Variants in DNASE1L2 observed in about 807,000 individuals in gnomAD.
DNASE1L2 encodes deoxyribonuclease-1-like 2.
In DNASE1L2, 35 loss-of-function variants were observed where a neutral mutation model predicts 31.8. That is an observed-to-expected ratio of 1.10 (90% CI 0.84 to 1.46). The LOEUF is 1.46. DNASE1L2 is among the 40% of genes most tolerant of loss of function. The pLI is 0.00. For missense variants in DNASE1L2, 504 were observed against 418.8 expected (o/e 1.20, Z -1.77); for synonymous variants, 211 against 186.5 (o/e 1.13, Z -1.07).
At position 2,238,410 on chromosome 16, in the gene DNASE1L2, C is replaced by A; in HGVS notation, c.892C>A (p.His298Asn). The A allele has an allele frequency of 6.2e-7, 1 of 1,613,498 alleles. No homozygotes were observed. The highest frequency in any genetic ancestry group is 8.5e-7 in the Non-Finnish European group (1 of 1,180,020). ...TCCAGTGGAGGTGACCCTCAAGTTC[C>A]ACCGATGACTCGAGGCCTGGCTGGG... ...HFPVEVTLKF[H>N]R is the part of the protein sequence containing the mutation. Residue 298 changes from histidine to asparagine, a missense_variant, in exon 7 of 7, where the codon CAC becomes AAC. Coordinates refer to ENST00000320700, the MANE Select transcript of DNASE1L2 (RefSeq NM_001374.3).
At chr16:2,236,995 G>A (rs2093513023) in intron 2 of DNASE1L2, 35 bp downstream of exon 2, 1 of 1,546,278 alleles carries the variant, frequency 6.5e-7, no homozygotes, top group South Asian at 1.2e-5. Flanking sequence ...GGCGTTTAGG[G>A]GTGCTGACCG....
Position 2,238,583 on chromosome 16 carries a change from G to A in DNASE1L2, c.*165G>A, listed in dbSNP as rs923074729. The A allele has an allele frequency of 2.8e-5, 22 of 799,360 alleles. No homozygotes were observed. The highest frequency in any genetic ancestry group is 3.7e-5 in the Non-Finnish European group (18 of 492,082). The allele number at this position is 799,360 out of a possible 1,614,324, so 49.5% of individuals were successfully genotyped here. ...ACGTGATGTGCTGCTCTGTACCTCC[G>A]TTCCCCATCTGTGGGACGGGCTGCA... is the stretch of plus-strand genomic sequence containing the variant. On this transcript the variant is annotated 3_prime_UTR_variant, in exon 7 of 7. Coordinates refer to ENST00000320700, the MANE Select transcript of DNASE1L2 (RefSeq NM_001374.3).
At chr16:2,238,224 T>C in intron 6 of DNASE1L2, 138 bp from the exon 7 acceptor site, 2 of 1,420,070 alleles carry the variant, frequency 1.4e-6, no homozygotes, top group East Asian at 2.3e-5. Context: ...AAAGGGCCAG[T>C]GGTGACACCC....
rs184168331 is a variant in DNASE1L2 at position 2,237,534 on chromosome 16, C to T, written c.476C>T (p.Ala159Val). 990 of 1,603,226 alleles carry T rather than the reference C, an allele frequency of 6.2e-4. 2 individuals are homozygous for T. The African/African-American group carries it at 9.8e-3, about 16-fold the overall frequency. Residue 159 changes from alanine to valine, a missense_variant, in exon 5 of 7, where the codon GCA becomes GTA. Physicochemically the swap from Ala to Val is moderately conservative, Grantham distance 64. Coordinates refer to ENST00000320700, the MANE Select transcript of DNASE1L2 (RefSeq NM_001374.3). ...GCTCTGACGCCCCCACCCCTTCCCGCAGCAGCACAGAACCTGGTGCTGATC... is the reference window on the plus strand; with the variant it reads ...GCTCTGACGCCCCCACCCCTTCCCGTAGCAGCACAGAACCTGGTGCTGATC... Reference protein sequence around the residue: ...RRALTPPPLPAAAQNLVLIPL... With the variant: ...RRALTPPPLPVAAQNLVLIPL...
At chr16:2,236,673 G>A (rs750056039) in intron 1 of DNASE1L2, 105 bp from the exon 2 acceptor site, 29 of 1,417,182 alleles carry the variant, frequency 2.0e-5, no homozygotes, top group Non-Finnish European at 2.5e-5. Flanking sequence ...GCAGTGCCCT[G>A]GGAGCCTGCA....
At chr16:2,238,301 G>T in intron 6 of DNASE1L2, 61 bp from the exon 7 acceptor site, 1 of 1,600,990 alleles carries the variant, frequency 6.2e-7, no homozygotes, top group Non-Finnish European at 8.5e-7. Context: ...GGCCTCACCG[G>T]CCCCTCCCAT....
At position 2,236,642 on chromosome 16, in the gene DNASE1L2, G is replaced by A. The variant is rs565894575; in HGVS notation, c.-40+82G>A. 1.1e-4 allele frequency: 146 copies of A among 1,367,416 alleles called. No homozygotes were observed. The African/African-American group carries it at 2.1e-3, about 19-fold the overall frequency. 84.7% of individuals were successfully genotyped at this position (1,367,416 alleles called of 1,614,324 possible). On this transcript the variant is annotated intron_variant, in intron 1 of 6. Coordinates refer to ENST00000320700, the MANE Select transcript of DNASE1L2 (RefSeq NM_001374.3). ...CTGCAGCTTCCCGCGCAGTGAGAAG[G>A]CAGCGGTCCCTGAGAGCCCAGCAGT...
intron 6 of DNASE1L2, 106 bp downstream of exon 6, chr16:2,238,124 C>T: frequency 2.0e-6 from 3 of 1,471,492 alleles, no homozygotes; most frequent in Non-Finnish European, 9.0e-7. Flanking sequence ...CAGCTTCCTC[C>T]CTGCACCAGG....
Position 2,238,036 on chromosome 16 carries a change from C to A in DNASE1L2, c.843+18C>A. On this transcript the variant is annotated intron_variant, in intron 6 of 6. Coordinates refer to ENST00000320700, the MANE Select transcript of DNASE1L2 (RefSeq NM_001374.3). ...AGACTCAGGCGAGTGGGCCGTGGGG[C>A]GGTGCTGGTCTTGGGTCCCCACCGC... The A allele has an allele frequency of 6.3e-7, 1 of 1,578,598 alleles. No individual in the cohort carries two copies.
In DNASE1L2 at chr16:2,238,690, C is replaced by G. The variant is rs1405774402; in HGVS notation, c.*272C>G. On this transcript the variant is annotated 3_prime_UTR_variant, in exon 7 of 7. Coordinates refer to ENST00000320700, the MANE Select transcript of DNASE1L2 (RefSeq NM_001374.3). Reference sequence around the variant, plus strand: ...GGCAGATGTCTGCTCAATAAATGAGCTGCTCCCGGTCGGGCCCCACAGCTT... The same window carrying G: ...GGCAGATGTCTGCTCAATAAATGAGGTGCTCCCGGTCGGGCCCCACAGCTT... 1 of 512,062 alleles carries G rather than the reference C, an allele frequency of 2.0e-6. No individual in the cohort carries two copies. Among genetic ancestry groups the G allele is most frequent in the Non-Finnish European group, 3.6e-6 (1 of 280,098 alleles). The allele number at this position is 512,062 out of a possible 1,614,324, so 31.7% of individuals were successfully genotyped here.
Position 2,236,846 on chromosome 16 carries a change from A to C in DNASE1L2, c.30A>C (p.Ala10=). 1 of 1,598,572 alleles carries C rather than the reference A, an allele frequency of 6.3e-7. No homozygotes were observed. The highest frequency in any genetic ancestry group is 8.5e-7 in the Non-Finnish European group (1 of 1,174,378). The change falls in exon 2 of 7, where the codon GCA becomes GCC. Residue 10 remains alanine (A), a synonymous_variant. Transcript: ENST00000320700. ...GCGGGCCCCGGGCTCTGCTGGCCGC[A>C]CTCTGGGCGCTGGAAGCCGCCGGGA... MGGPRALLA[A]LWALEAAGTA... is the part of the protein sequence containing the mutation.
In DNASE1L2 at chr16:2,238,485, C is replaced by T; in HGVS notation, c.*67C>T. ...CTGAGGAATGGCCCAACAGTGGCCC[C>T]TTCAGGGTGGCAGCCACCCTTCAGT... is the stretch of plus-strand genomic sequence containing the variant. On this transcript the variant is annotated 3_prime_UTR_variant, in exon 7 of 7. Coordinates refer to ENST00000320700, the MANE Select transcript of DNASE1L2 (RefSeq NM_001374.3). The T allele has an allele frequency of 6.3e-7, 1 of 1,599,888 alleles. No individual in the cohort carries two copies. Among genetic ancestry groups the T allele is most frequent in the Non-Finnish European group, 8.6e-7 (1 of 1,169,056 alleles).
In DNASE1L2 at chr16:2,237,046, TGG is replaced by T; in HGVS notation, c.154_155del (p.Gly52LeufsTer2). On this transcript the variant is annotated frameshift_variant, in exon 3 of 7. Transcript: ENST00000320700. LOFTEE classifies it high-confidence loss of function. ...CCGCCGCTCCTCCCCAGATCCTGGC[TGG>T]CTATGACCTCGCGCTGGTGCAGGAG... ...CGSIIAKILA[G>X]YDLALVQEVR... is the part of the protein sequence containing the mutation. The T allele has an allele frequency of 6.5e-7, 1 of 1,549,400 alleles. No homozygotes were observed. Among genetic ancestry groups the T allele is most frequent in the Non-Finnish European group, 8.7e-7 (1 of 1,146,926 alleles).
At position 2,236,926 on chromosome 16, in the gene DNASE1L2, T is replaced by A; in HGVS notation, c.110T>A (p.Val37Glu). 6.3e-7 allele frequency: 1 copy of A among 1,579,982 alleles called. No individual in the cohort carries two copies. The highest frequency in any genetic ancestry group is 1.3e-5 in the African/African-American group (1 of 74,484). ...ATTCAGAGCTTCGGTGACAGCAAAG[T>A]GTCGGACCCCGCTTGCGGCAGCATC... is the stretch of plus-strand genomic sequence containing the variant. Reference protein sequence around the residue: ...FNIQSFGDSKVSDPACGSIIA... With the variant: ...FNIQSFGDSKESDPACGSIIA... Residue 37 changes from valine to glutamate, a missense_variant, in exon 2 of 7, where the codon GTG (valine) becomes GAG (glutamate). Transcript: ENST00000320700.
Position 2,238,437 on chromosome 16 carries a change from C to G in DNASE1L2, c.*19C>G, listed in dbSNP as rs780407888. 2.5e-5 allele frequency: 40 copies of G among 1,613,074 alleles called. No homozygotes were observed. The highest frequency in any genetic ancestry group is 3.1e-5 in the Non-Finnish European group (37 of 1,179,954). ...CCGATGACTCGAGGCCTGGCTGGGG[C>G]ATGCCACCTGCAGACCCTGGCTCTG... is the stretch of plus-strand genomic sequence containing the variant. On this transcript the variant is annotated 3_prime_UTR_variant, in exon 7 of 7. Transcript: ENST00000320700.
Position 2,237,604 on chromosome 16 carries a change from G to C in DNASE1L2, c.546G>C (p.Ala182=), listed in dbSNP as rs898882232. 1.7e-5 allele frequency: 27 copies of C among 1,611,066 alleles called. No individual in the cohort carries two copies. The highest frequency in any genetic ancestry group is 2.0e-5 in the Non-Finnish European group (23 of 1,179,210). The change falls in exon 5 of 7, where the codon GCG becomes GCC. Residue 182 remains alanine, a synonymous_variant. Coordinates refer to ENST00000320700, the MANE Select transcript of DNASE1L2 (RefSeq NM_001374.3). ...APHQAVAEID[A]LYDVYLDVID... Reference sequence around the variant, plus strand: ...ATCAAGCCGTGGCGGAGATCGACGCGCTCTACGACGTGTACCTGGACGTGA... The same window carrying C: ...ATCAAGCCGTGGCGGAGATCGACGCCCTCTACGACGTGTACCTGGACGTGA...
In DNASE1L2 at chr16:2,236,514, A is replaced by G. The variant is rs2093511256; in HGVS notation, c.-86A>G. Reference sequence around the variant, plus strand: ...CCCGCAGCCTGGACCCGGGATCCCCATCCCCCTAGGATCTCTGAGCCTCGG... The same window carrying G: ...CCCGCAGCCTGGACCCGGGATCCCCGTCCCCCTAGGATCTCTGAGCCTCGG... On this transcript the variant is annotated 5_prime_UTR_variant, in exon 1 of 7. Coordinates refer to ENST00000320700, the MANE Select transcript of DNASE1L2 (RefSeq NM_001374.3). The G allele has an allele frequency of 8.4e-7, 1 of 1,190,726 alleles. No individual in the cohort carries two copies. The highest frequency in any genetic ancestry group is 1.0e-6 in the Non-Finnish European group (1 of 961,328). 73.8% of individuals were successfully genotyped at this position (1,190,726 alleles called of 1,614,324 possible). A position where few individuals can be genotyped will look rare whatever the true frequency, so the allele number is the denominator to read the frequency against.
Position 2,236,787 on chromosome 16 carries a change from T to G in DNASE1L2, c.-30T>G. 1 of 1,567,882 alleles carries G rather than the reference T, an allele frequency of 6.4e-7. No individual in the cohort carries two copies. Among genetic ancestry groups the G allele is most frequent in the Non-Finnish European group, 8.6e-7 (1 of 1,161,518 alleles). ...CAGCGGGTCTGCGTAGGCGGCAGCG[T>G]CTGTCCCTCCCAGCCTCTCGCTCCG... On this transcript the variant is annotated 5_prime_UTR_variant, in exon 2 of 7. Coordinates refer to ENST00000320700, the MANE Select transcript of DNASE1L2 (RefSeq NM_001374.3).
rs1255507505 is a variant in DNASE1L2, at chr16:2,238,436, G to A, written c.*18G>A. 3 of 1,613,072 alleles carry A rather than the reference G, an allele frequency of 1.9e-6. No homozygotes were observed. Among genetic ancestry groups the A allele is most frequent in the African/African-American group, 1.3e-5 (1 of 74,940 alleles). ...ACCGATGACTCGAGGCCTGGCTGGG[G>A]CATGCCACCTGCAGACCCTGGCTCT... On this transcript the variant is annotated 3_prime_UTR_variant, in exon 7 of 7. Transcript: ENST00000320700.
Sources: gnomAD v4.1 joint callset for allele counts on GRCh38, gnomAD v4.1.1 for gene constraint, MANE v1.5 for transcripts, NCBI Gene and HGNC (gene_info 2026-07-23, HGNC 2026-07-21) for gene names.